NOL4: variants seen among roughly 807,000 people sequenced by gnomAD.
NOL4 encodes the protein cancer/testis antigen 125.
Under a neutral mutation model 75.9 loss-of-function variants are expected in NOL4, and 17 were observed. That is an observed-to-expected ratio of 0.22 (90% CI 0.15 to 0.34). The LOEUF is 0.34. Ranked by LOEUF, NOL4 falls within the 10% of genes least tolerant of loss-of-function variation. The probability of loss-of-function intolerance (pLI) is 1.00; values close to 1 mark genes in which losing one functional copy is unlikely to be tolerated. For synonymous variants in NOL4, 292 were observed against 289.9 expected (o/e 1.01, Z -0.07); for missense variants, 614 against 793.5 (o/e 0.77, Z 2.72).
At chr18:34,133,957 A>C (rs2080776194) in intron 1 of NOL4, among the ~76,000 whole-genome samples, 1 of 152,194 alleles carries the variant, frequency 6.6e-6, no homozygotes, top group Non-Finnish European at 1.5e-5. Context: ...TGGGAGGTGT[A>C]GGTTGCAATG....
At chr18:34,134,267 A>G (rs971977142) in intron 1 of NOL4, among the ~76,000 whole-genome samples, 1 of 152,108 alleles carries the variant, frequency 6.6e-6, no homozygotes, top group South Asian at 2.1e-4. Flanking sequence ...CCAACATACT[A>G]TATATCTGAA....
chr18:33,983,861 A>C (rs2072203674), intron 6 of NOL4, among the ~76,000 whole-genome samples: 1 of 151,922 alleles, frequency 6.6e-6, no homozygotes, highest in Non-Finnish European at 1.5e-5. Context: ...ATATGAGTCA[A>C]AAAAAAGTCA....
At chr18:33,920,803 G>T (rs746162075) in intron 9 of NOL4, among the ~76,000 whole-genome samples, 27 of 152,188 alleles carry the variant, frequency 1.8e-4, no homozygotes, top group Admixed American at 1.5e-3. Flanking sequence ...AAAACTGTCA[G>T]CCCAGACTGA....
chr18:33,927,346 T>C (rs1013241645), intron 9 of NOL4, among the ~76,000 whole-genome samples: 1 of 152,204 alleles, frequency 6.6e-6, no homozygotes, highest in African/African-American at 2.4e-5. Flanking sequence ...TTGGTCCATA[T>C]TCCTATCATT....
intron 5 of NOL4, among the ~76,000 whole-genome samples, chr18:34,039,589 C>CA (rs1044971659): frequency 6.6e-6 from 1 of 151,832 alleles, no homozygotes; most frequent in Admixed American, 6.6e-5. Flanking sequence ...TGAATGGTTC[C>CA]AAAAAAATAA....
In NOL4 at chr18:33,888,033, C is replaced by T. The variant is rs571885063; in HGVS notation, c.1543-4609G>A. ...ATGGTTGAACTAGTTTACAGTCCCA[C>T]GAACAGCTTAAAAGTGTTCCTATTT... On this transcript the variant is annotated intron_variant, in intron 9 of 10. Coordinates refer to ENST00000261592, the MANE Select transcript of NOL4 (RefSeq NM_003787.5). Among the ~76,000 whole-genome samples the T allele has an allele frequency of 1.7e-3, 260 of 152,306 alleles. 1 individual carries two copies. The highest frequency in any genetic ancestry group is 2.7e-3 in the Non-Finnish European group (182 of 68,022).
intron 5 of NOL4, among the ~76,000 whole-genome samples, chr18:34,065,082 G>A (rs1422291803): frequency 2.0e-5 from 3 of 151,846 alleles, no homozygotes; most frequent in Non-Finnish European, 4.4e-5. Flanking sequence ...CAGTCAACTT[G>A]AATAAAAAGG....
intron 9 of NOL4, among the ~76,000 whole-genome samples, chr18:33,886,989 A>G (rs1438186846): frequency 7.1e-6 from 1 of 140,546 alleles, no homozygotes; most frequent in Non-Finnish European, 1.5e-5. Context: ...ATATATCTAT[A>G]TATCTAGATA....
intron 9 of NOL4, among the ~76,000 whole-genome samples, chr18:33,907,282 C>T (rs1288103304): frequency 6.9e-6 from 1 of 144,678 alleles, no homozygotes; most frequent in Non-Finnish European, 1.5e-5. Context: ...GAGATCGCCT[C>T]CACTGCACTC....
chr18:34,036,890 C>T (rs1217529670), intron 5 of NOL4, among the ~76,000 whole-genome samples: 1 of 152,118 alleles, frequency 6.6e-6, no homozygotes, highest in Non-Finnish European at 1.5e-5. Flanking sequence ...CAAGATTGTG[C>T]CACTGCACTC....
intron 1 of NOL4, among the ~76,000 whole-genome samples, chr18:34,214,457 CA>C (rs2036738416): frequency 6.6e-6 from 1 of 152,066 alleles, no homozygotes; most frequent in African/African-American, 2.4e-5. Context: ...CCTTAGAATC[CA>C]AATGGTTTCT....
chr18:33,938,532 G>A (rs1472653211), intron 9 of NOL4, among the ~76,000 whole-genome samples: 1 of 152,124 alleles, frequency 6.6e-6, no homozygotes, highest in African/African-American at 2.4e-5. Flanking sequence ...CTAATGAGCA[G>A]TGACAATGAG....
intron 9 of NOL4, among the ~76,000 whole-genome samples, chr18:33,922,801 A>T (rs117551354): frequency 0.015 from 2,304 of 152,212 alleles, 19 homozygotes; most frequent in Middle Eastern, 0.044. Flanking sequence ...CTGCATCAAA[A>T]CTGTGCTTCC....
intron 6 of NOL4, among the ~76,000 whole-genome samples, chr18:33,999,261 C>A (rs191925922): frequency 6.6e-6 from 1 of 151,752 alleles, no homozygotes; most frequent in Admixed American, 6.6e-5. Flanking sequence ...AATCCTCCCA[C>A]CTCTGCCTCT....
intron 5 of NOL4, among the ~76,000 whole-genome samples, chr18:34,087,826 T>C (rs1298777085): frequency 1.3e-5 from 2 of 151,924 alleles, no homozygotes; most frequent in African/African-American, 4.8e-5. Flanking sequence ...TGTGTCTTAG[T>C]GGGAGGCAAA....
intron 1 of NOL4, chr18:34,221,916 C>T (rs2037337183): frequency 2.1e-6 from 2 of 931,878 alleles, no homozygotes; most frequent in Non-Finnish European, 1.6e-6. Context: ...GTTGCCAGTA[C>T]AGGAGGGGGG....
At chr18:34,001,308 T>G (rs529948768) in intron 6 of NOL4, among the ~76,000 whole-genome samples, 1 of 152,274 alleles carries the variant, frequency 6.6e-6, no homozygotes, top group East Asian at 1.9e-4. Context: ...GAACTACATT[T>G]CCTAATCACG....
At chr18:33,854,922 T>C (rs1212450326) in intron 10 of NOL4, among the ~76,000 whole-genome samples, 4 of 152,010 alleles carry the variant, frequency 2.6e-5, no homozygotes, top group African/African-American at 9.7e-5. Context: ...TGGCTCAGTG[T>C]TCTAAGCTTC....
At chr18:33,963,696 T>C (rs545362892) in intron 6 of NOL4, among the ~76,000 whole-genome samples, 6 of 152,316 alleles carry the variant, frequency 3.9e-5, no homozygotes, top group African/African-American at 1.2e-4. Context: ...CTATATACTT[T>C]GCTTATTCCT....
Sources: allele counts gnomAD v4.1 joint callset (sites outside exome capture counted in the v4.1 genomes callset), GRCh38; gene constraint gnomAD v4.1.1; transcripts MANE v1.5; gene names NCBI Gene and HGNC (gene_info 2026-07-23, HGNC 2026-07-21).